BMP5: variants seen among roughly 807,000 people sequenced by gnomAD.
BMP5 encodes bone morphogenetic protein 5.
In BMP5, 23 loss-of-function variants were observed where a neutral mutation model predicts 46.6. The observed-to-expected ratio is 0.49, with a 90% CI of 0.35 to 0.70. The LOEUF (loss-of-function observed/expected upper bound fraction) is 0.70. BMP5 is among the 30% of genes least tolerant of loss of function. The probability of loss-of-function intolerance (pLI) is 0.00; values close to 1 mark genes in which losing one functional copy is unlikely to be tolerated. For synonymous variants in BMP5, 204 were observed against 191.9 expected (o/e 1.06, Z -0.52); for missense variants, 545 against 565.6 (o/e 0.96, Z 0.37).
At chr6:55,776,250 T>C in intron 3 of BMP5, among the ~76,000 whole-genome samples, 1 of 151,970 alleles carries the variant, frequency 6.6e-6, no homozygotes, top group East Asian at 1.9e-4. Context: ...CTACTTCCAC[T>C]GTAACAAATG....
intron 1 of BMP5, among the ~76,000 whole-genome samples, chr6:55,840,059 C>T (rs1776912797): frequency 6.6e-6 from 1 of 152,012 alleles, no homozygotes; most frequent in East Asian, 1.9e-4. Flanking sequence ...CACAGTTCGC[C>T]TCTTTATTTC....
At chr6:55,812,514 T>C (rs989405159) in intron 2 of BMP5, among the ~76,000 whole-genome samples, 2 of 152,210 alleles carry the variant, frequency 1.3e-5, no homozygotes, top group African/African-American at 4.8e-5. Context: ...TCCAAATTAC[T>C]GTACAGATCT....
At chr6:55,812,367 T>G (rs1378750735) in intron 2 of BMP5, among the ~76,000 whole-genome samples, 1 of 152,080 alleles carries the variant, frequency 6.6e-6, no homozygotes, top group Non-Finnish European at 1.5e-5. Flanking sequence ...CTAAGATAAA[T>G]AAATAAGAAA....
intron 2 of BMP5, among the ~76,000 whole-genome samples, chr6:55,813,487 T>C (rs1776181514): frequency 6.6e-6 from 1 of 151,956 alleles, no homozygotes; most frequent in East Asian, 1.9e-4. Flanking sequence ...TGTTAGTAAA[T>C]AGTTTTCAAA....
chr6:55,850,377 GATA>G (rs1777205243), intron 1 of BMP5, among the ~76,000 whole-genome samples: 2 of 141,478 alleles, frequency 1.4e-5, no homozygotes, highest in African/African-American at 6.3e-5. Context: ...TAGATAGATA[GATA>G]GATAGATAGA....
At chr6:55,799,788 G>C (rs1239711817) in intron 2 of BMP5, among the ~76,000 whole-genome samples, 1 of 152,172 alleles carries the variant, frequency 6.6e-6, no homozygotes, top group African/African-American at 2.4e-5. Flanking sequence ...CCGAGATACA[G>C]ACATGGCTTC....
intron 1 of BMP5, among the ~76,000 whole-genome samples, chr6:55,852,407 CTTAT>C (rs956812118): frequency 6.6e-5 from 10 of 151,972 alleles, no homozygotes; most frequent in Non-Finnish European, 1.3e-4. Context: ...TGTGTCACAA[CTTAT>C]TTATACAAGT....
At chr6:55,823,565 A>G (rs1168404919) in intron 1 of BMP5, among the ~76,000 whole-genome samples, 2 of 152,070 alleles carry the variant, frequency 1.3e-5, no homozygotes, top group African/African-American at 4.8e-5. Context: ...TGTAATCGAA[A>G]GATAACAGAT....
intron 1 of BMP5, among the ~76,000 whole-genome samples, chr6:55,844,108 G>A (rs1201343873): frequency 2.0e-5 from 3 of 151,862 alleles, no homozygotes; most frequent in Non-Finnish European, 4.4e-5. Flanking sequence ...TTTCAACAAA[G>A]TATGATATTA....
At chr6:55,799,804 C>T (rs1233884178) in intron 2 of BMP5, among the ~76,000 whole-genome samples, 1 of 152,168 alleles carries the variant, frequency 6.6e-6, no homozygotes, top group Non-Finnish European at 1.5e-5. Context: ...GCTTCTGTTC[C>T]TAAGTCCCTA....
rs148784121 is a variant in BMP5, at chr6:55,859,188, G to A, written c.490+15188C>T. Among the ~76,000 whole-genome samples the A allele has an allele frequency of 5.7e-4, 87 of 152,208 alleles. 1 individual carries two copies. The East Asian group carries it at 0.016, about 27-fold the overall frequency. On this transcript the variant is annotated intron_variant, in intron 1 of 6. Transcript: ENST00000370830. ...TAGCAAGTGATTTAGCAGTGATATT[G>A]AAACACTGGTTAGTTTCAATTATCA... is the stretch of plus-strand genomic sequence containing the variant.
intron 3 of BMP5, among the ~76,000 whole-genome samples, chr6:55,789,643 T>C (rs573940120): frequency 6.6e-5 from 10 of 152,100 alleles, no homozygotes; most frequent in Non-Finnish European, 1.3e-4. Flanking sequence ...GCCTACTCAT[T>C]TGCTATTAAA....
intron 2 of BMP5, among the ~76,000 whole-genome samples, chr6:55,817,104 A>G (rs898103279): frequency 2.6e-5 from 4 of 152,032 alleles, no homozygotes; most frequent in Non-Finnish European, 4.4e-5. Context: ...GAAACAACAG[A>G]TGCTGGAGAG....
intron 2 of BMP5, among the ~76,000 whole-genome samples, chr6:55,795,425 A>G (rs1378958736): frequency 6.6e-6 from 1 of 152,122 alleles, no homozygotes; most frequent in Non-Finnish European, 1.5e-5. Context: ...AGAAAACAAT[A>G]GAGCTATTCA....
chr6:55,844,103 A>T (rs1777037940), intron 1 of BMP5, among the ~76,000 whole-genome samples: 1 of 152,024 alleles, frequency 6.6e-6, no homozygotes, highest in Admixed American at 6.6e-5. Context: ...CACCCTTTCA[A>T]CAAAGTATGA....
At chr6:55,847,822 TA>T (rs1444165737) in intron 1 of BMP5, among the ~76,000 whole-genome samples, 8 of 151,842 alleles carry the variant, frequency 5.3e-5, no homozygotes, top group Non-Finnish European at 1.2e-4. Context: ...CTCAATATTG[TA>T]AAAATAAAAA....
chr6:55,869,151 A>T (rs1249553584), intron 1 of BMP5, among the ~76,000 whole-genome samples: 2 of 152,072 alleles, frequency 1.3e-5, no homozygotes, highest in African/African-American at 2.4e-5. Context: ...GCTTGTCTGT[A>T]TGCTCCTTGT....
intron 3 of BMP5, among the ~76,000 whole-genome samples, chr6:55,791,441 A>G (rs1297156771): frequency 6.6e-6 from 1 of 152,212 alleles, no homozygotes; most frequent in Non-Finnish European, 1.5e-5. Flanking sequence ...AAAGCAACAA[A>G]AGGCTGTATA....
At chr6:55,816,786 T>C (rs967119806) in intron 2 of BMP5, among the ~76,000 whole-genome samples, 1 of 151,998 alleles carries the variant, frequency 6.6e-6, no homozygotes, top group Non-Finnish European at 1.5e-5. Flanking sequence ...CTAGTTAAAA[T>C]AGAATTGAGA....
Sources: gnomAD v4.1 joint callset for allele counts (sites outside exome capture counted in the v4.1 genomes callset) on GRCh38, gnomAD v4.1.1 for gene constraint, MANE v1.5 for transcripts, NCBI Gene and HGNC (gene_info 2026-07-23, HGNC 2026-07-21) for gene names.